Variants in CARMIL2 observed in about 807,000 individuals in gnomAD.
CARMIL2 encodes the protein capping protein, Arp2/3 and myosin-I linker protein 2.
In CARMIL2, 96 loss-of-function variants were observed where a neutral mutation model predicts 173.3. The observed-to-expected ratio is 0.55, with a 90% CI of 0.47 to 0.66. The LOEUF (loss-of-function observed/expected upper bound fraction) is 0.66. Ranked by LOEUF, CARMIL2 falls within the 30% of genes least tolerant of loss-of-function variation. The probability of loss-of-function intolerance (pLI) is 0.00; values close to 1 mark genes in which losing one functional copy is unlikely to be tolerated. For synonymous variants in CARMIL2, 830 were observed against 817.1 expected (o/e 1.02, Z -0.27); for missense variants, 1,771 against 1,906.7 (o/e 0.93, Z 1.33).
rs1567627911 is a variant in CARMIL2 at position 67,647,566 on chromosome 16, G to A, written c.835G>A (p.Glu279Lys). The change falls in exon 11 of 38, where the codon GAG becomes AAG. Residue 279 changes from glutamate to lysine, a missense_variant. Glu to Lys is a moderately conservative substitution (Grantham distance 56). Around this residue, in one of 3 missense-constraint regions of CARMIL2, gnomAD observed 944 missense variants for 975.6 expected, o/e 0.97. Coordinates refer to ENST00000334583, the MANE Select transcript of CARMIL2 (RefSeq NM_001013838.3). ...LAGHSSSGLRELSLAGNLLDD... is the reference protein window; with the variant it reads ...LAGHSSSGLRKLSLAGNLLDD... The stretch of plus-strand genomic sequence containing the variant: ...GGGACACTCAAGCTCTGGGCTGCGG[G>A]AGCTCAGCCTCGCGGGGAACCTGCT... 1.2e-6 allele frequency: 2 copies of A among 1,611,320 alleles called. No individual in the cohort carries two copies. Among genetic ancestry groups the A allele is most frequent in the South Asian group, 1.1e-5 (1 of 90,542 alleles).
At position 67,649,560 on chromosome 16, in the gene CARMIL2, C is replaced by A; in HGVS notation, c.1860C>A (p.Ala620=). ...NLTALDISGN[A]MGDAGAKLLA... ...CCGCGCTGGATATCAGCGGCAACGC[C>A]ATGGGGGACGCGGGCGCCAAGTTGC... Residue 620 remains alanine (A), a synonymous_variant, in exon 20 of 38, where the codon GCC becomes GCA. Coordinates refer to ENST00000334583, the MANE Select transcript of CARMIL2 (RefSeq NM_001013838.3). This position sits in a 1 kb window ranked among gnomAD's most constrained non-coding sequence, Gnocchi z 6.7. 1 of 1,603,102 alleles carries A rather than the reference C, an allele frequency of 6.2e-7. No individual in the cohort carries two copies. The highest frequency in any genetic ancestry group is 1.1e-5 in the South Asian group (1 of 91,086).
At position 67,649,607 on chromosome 16, in the gene CARMIL2, A is replaced by T. The variant is rs1333689505; in HGVS notation, c.1907A>T (p.Asn636Ile). 3 of 1,594,128 alleles carry T rather than the reference A, an allele frequency of 1.9e-6. No individual in the cohort carries two copies. Among genetic ancestry groups the T allele is most frequent in the Admixed American group, 3.4e-5 (2 of 59,508 alleles). Residue 636 changes from asparagine to isoleucine, a missense_variant, in exon 20 of 38, where the codon AAC becomes ATC. This residue lies in a region of CARMIL2 where 944 missense variants were observed against 975.6 expected (regional missense o/e 0.97). Coordinates refer to ENST00000334583, the MANE Select transcript of CARMIL2 (RefSeq NM_001013838.3). The surrounding 1 kb of genome is among the most constrained non-coding windows in gnomAD (Gnocchi z 6.7). ...AKLLAKALRVNSRLRSVVWDR... is the reference protein window; with the variant it reads ...AKLLAKALRVISRLRSVVWDR... Reference sequence around the variant, plus strand: ...TTGCTGGCCAAGGCGCTGCGGGTCAACTCGAGGCTCCGGTGGGCGGGGTCA... The same window carrying T: ...TTGCTGGCCAAGGCGCTGCGGGTCATCTCGAGGCTCCGGTGGGCGGGGTCA...
At chr16:67,655,601 C>T (rs1357457620) in intron 32 of CARMIL2, among the ~76,000 whole-genome samples, 1 of 152,178 alleles carries the variant, frequency 6.6e-6, no homozygotes, top group East Asian at 1.9e-4. Context: ...TGGTGCAAAT[C>T]AGAGCCTCCA....
chr16:67,654,249 T>C lies in CARMIL2; in HGVS notation c.3221T>C (p.Leu1074Pro). 1 of 1,571,832 alleles carries C rather than the reference T, an allele frequency of 6.4e-7. No homozygotes were observed. Among genetic ancestry groups the C allele is most frequent in the Non-Finnish European group, 8.6e-7 (1 of 1,158,852 alleles). Reference sequence around the variant, plus strand: ...AAAAGGCTGATCCAGCAGGATCGCCTGTGAGTGAGGGGCATCTGCTGGGGG... The same window carrying C: ...AAAAGGCTGATCCAGCAGGATCGCCCGTGAGTGAGGGGCATCTGCTGGGGG... Reference protein sequence around the residue: ...FSKRLIQQDRLWAPEEDPATE... With the variant: ...FSKRLIQQDRPWAPEEDPATE... Residue 1074 changes from leucine to proline, a missense_variant and splice_region_variant, in exon 30 of 38, where the codon CTC (leucine) becomes CCC (proline). Around this residue, in one of 3 missense-constraint regions of CARMIL2, gnomAD observed 817 missense variants for 903.5 expected, o/e 0.90. Coordinates refer to ENST00000334583, the MANE Select transcript of CARMIL2 (RefSeq NM_001013838.3).
Position 67,649,662 on chromosome 16 carries a change from G to T in CARMIL2, c.1919+43G>T, listed in dbSNP as rs1322172081. ...GGTGGGACCAGCGGGCAGGGGGCGCGGTGGAGAGGAGGGCACCGGGCTAAG... is the reference window on the plus strand; with the variant it reads ...GGTGGGACCAGCGGGCAGGGGGCGCTGTGGAGAGGAGGGCACCGGGCTAAG... On this transcript the variant is annotated intron_variant, in intron 20 of 37. Coordinates refer to ENST00000334583, the MANE Select transcript of CARMIL2 (RefSeq NM_001013838.3). This position sits in a 1 kb window ranked among gnomAD's most constrained non-coding sequence, Gnocchi z 6.7. 3 of 1,560,570 alleles carry T rather than the reference G, an allele frequency of 1.9e-6. No homozygotes were observed. The highest frequency in any genetic ancestry group is 4.5e-5 in the East Asian group (2 of 44,074).
rs551021855 is a variant in CARMIL2, at chr16:67,651,860, G to C, written c.2588+15G>C. 73 of 1,612,710 alleles carry C rather than the reference G, an allele frequency of 4.5e-5. No homozygotes were observed. Among genetic ancestry groups the C allele is most frequent in the Non-Finnish European group, 4.2e-5 (50 of 1,179,582 alleles). Reference sequence around the variant, plus strand: ...ACTAGGCTCAGGTAGGCTGGATGGGGCTGGGCTGGGCAAGGCTGAGCAAAG... The same window carrying C: ...ACTAGGCTCAGGTAGGCTGGATGGGCCTGGGCTGGGCAAGGCTGAGCAAAG... On this transcript the variant is annotated intron_variant, in intron 25 of 37. Coordinates refer to ENST00000334583, the MANE Select transcript of CARMIL2 (RefSeq NM_001013838.3). The surrounding 1 kb of genome is among the most constrained non-coding windows in gnomAD (Gnocchi z 4.2).
Position 67,656,631 on chromosome 16 carries a change from GC to G in CARMIL2, c.4026del (p.Arg1343GlufsTer7). 6.3e-7 allele frequency: 1 copy of G among 1,590,712 alleles called. No homozygotes were observed. Among genetic ancestry groups the G allele is most frequent in the Non-Finnish European group, 8.6e-7 (1 of 1,169,280 alleles). ...GGCCTCCCAGAGGACCCTTGCTTGG[GC>G]CCCAGAAATGAAGGTAGGCAGGCAC... ...SLGLPEDPCL[G>X]PRNEDGQLRP... On this transcript the variant is annotated frameshift_variant, in exon 35 of 38. Coordinates refer to ENST00000334583, the MANE Select transcript of CARMIL2 (RefSeq NM_001013838.3). LOFTEE classifies it high-confidence loss of function.
At position 67,657,190 on chromosome 16, in the gene CARMIL2, C is replaced by T. The variant is rs76430478; in HGVS notation, c.4118-49C>T. Reference sequence around the variant, plus strand: ...GTGGAAGAGAGGGGCAGGGGATGGACAGACCCCAAGCCTTAGCAACCCACC... The same window carrying T: ...GTGGAAGAGAGGGGCAGGGGATGGATAGACCCCAAGCCTTAGCAACCCACC... On this transcript the variant is annotated intron_variant, in intron 36 of 37. Coordinates refer to ENST00000334583, the MANE Select transcript of CARMIL2 (RefSeq NM_001013838.3). This position sits in a 1 kb window ranked among gnomAD's most constrained non-coding sequence, Gnocchi z 4.5. 1.9e-6 allele frequency: 3 copies of T among 1,543,512 alleles called. No individual in the cohort carries two copies. The South Asian group carries it at 3.4e-5, about 18-fold the overall frequency.
chr16:67,656,591 T>TC lies in CARMIL2; in HGVS notation c.3986dup (p.Asp1330ArgfsTer16), dbSNP rs2052862100. 6.2e-7 allele frequency: 1 copy of TC among 1,610,572 alleles called. No individual in the cohort carries two copies. The highest frequency in any genetic ancestry group is 1.7e-5 in the Admixed American group (1 of 59,682). Reference sequence around the variant, plus strand: ...CCCAAGTCCCTGCAGAACCAGCCCCTCCCCAGACAGCCTGGGCCTCCCAGA... The same window carrying TC: ...CCCAAGTCCCTGCAGAACCAGCCCCTCCCCCAGACAGCCTGGGCCTCCCAGA... On this transcript the variant is annotated frameshift_variant, in exon 35 of 38. Transcript: ENST00000334583. LOFTEE classifies it high-confidence loss of function.
rs914165580 is a variant in CARMIL2 at position 67,652,800 on chromosome 16, TG to T, written c.2885-218del. Among the ~76,000 whole-genome samples the T allele has an allele frequency of 1.5e-4, 23 of 151,454 alleles. No homozygotes were observed. The highest frequency in any genetic ancestry group is 4.6e-4 in the African/African-American group (19 of 41,342). ...CCTTTCCCTACCCCAGGGACGCGCA[TG>T]CTGGGCGGCGGCGCGGAGCCGCGCG... On this transcript the variant is annotated intron_variant, in intron 28 of 37. Coordinates refer to ENST00000334583, the MANE Select transcript of CARMIL2 (RefSeq NM_001013838.3). This position sits in a 1 kb window ranked among gnomAD's most constrained non-coding sequence, Gnocchi z 4.7.
At position 67,656,286 on chromosome 16, in the gene CARMIL2, C is replaced by G. The variant is rs749569935; in HGVS notation, c.3801C>G (p.His1267Gln). 8 of 1,614,012 alleles carry G rather than the reference C, an allele frequency of 5.0e-6. No individual in the cohort carries two copies. The highest frequency in any genetic ancestry group is 4.4e-5 in the South Asian group (4 of 91,090). The change falls in exon 34 of 38, where the codon CAC (histidine) becomes CAG (glutamine). Residue 1267 changes from histidine (H) to glutamine (Q), a missense_variant. This residue lies in a region of CARMIL2 where 817 missense variants were observed against 903.5 expected (regional missense o/e 0.90). Coordinates refer to ENST00000334583, the MANE Select transcript of CARMIL2 (RefSeq NM_001013838.3). ...APPISIKSRT[H>Q]SVSADPSCRP... ...CCATCTCGATCAAGTCCCGCACCCA[C>G]TCTGTGTCTGCTGGTGAGTGAGGGC...
rs1213363122 is a variant in CARMIL2 at position 67,657,357 on chromosome 16, G to A, written c.4195+41G>A. On this transcript the variant is annotated intron_variant, in intron 37 of 37. Coordinates refer to ENST00000334583, the MANE Select transcript of CARMIL2 (RefSeq NM_001013838.3). The surrounding 1 kb of genome is among the most constrained non-coding windows in gnomAD (Gnocchi z 4.5). ...GGCCAGCTGGGAGGGTGGCAGGACT[G>A]CTTAGCCCAGCCCTGACCCTTCCTC... The A allele has an allele frequency of 6.2e-7, 1 of 1,609,624 alleles. No individual in the cohort carries two copies. Among genetic ancestry groups the A allele is most frequent in the East Asian group, 2.2e-5 (1 of 44,690 alleles).
chr16:67,652,888 GA>G lies in CARMIL2; in HGVS notation c.2885-130del, dbSNP rs1231658057. ...GCGGCGGGGGAGGGGCGGAGGGGCAGAGGGGCGGGGGGACGGGCGGCGTAGC... is the reference window on the plus strand; with the variant it reads ...GCGGCGGGGGAGGGGCGGAGGGGCAGGGGGCGGGGGGACGGGCGGCGTAGC... On this transcript the variant is annotated intron_variant, in intron 28 of 37. Transcript: ENST00000334583. The surrounding 1 kb of genome is among the most constrained non-coding windows in gnomAD (Gnocchi z 4.7). 4.3e-6 allele frequency: 1 copy of G among 231,574 alleles called. No individual in the cohort carries two copies. The highest frequency in any genetic ancestry group is 2.3e-5 in the African/African-American group (1 of 42,690). 14.3% of individuals were successfully genotyped at this position (231,574 alleles called of 1,614,324 possible). A position where few individuals can be genotyped will look rare whatever the true frequency, so the allele number is the denominator to read the frequency against.
In CARMIL2 at chr16:67,656,254, G is replaced by A. The variant is rs1391444342; in HGVS notation, c.3769G>A (p.Ala1257Thr). The A allele has an allele frequency of 6.2e-7, 1 of 1,614,000 alleles. No individual in the cohort carries two copies. Among genetic ancestry groups the A allele is most frequent in the Non-Finnish European group, 8.5e-7 (1 of 1,179,884 alleles). ...DGDIMDSSTE[A>T]PPISIKSRTH... ...TGACATTATGGACAGTTCCACGGAG[G>A]CCCCTCCCATCTCGATCAAGTCCCG... The change falls in exon 34 of 38, where the codon GCC (alanine) becomes ACC (threonine). Residue 1257 changes from alanine to threonine, a missense_variant. Around this residue, in one of 3 missense-constraint regions of CARMIL2, gnomAD observed 817 missense variants for 903.5 expected, o/e 0.90. Transcript: ENST00000334583.
Position 67,648,937 on chromosome 16 carries a change from C to T in CARMIL2, c.1554C>T (p.Asp518=), listed in dbSNP as rs200219135. ...AGGTGATACAAGACTTAGTGTGCGA[C>T]GCAGGCGCTGTGAGCTCCCTGGATC... ...GAQVIQDLVC[D]AGAVSSLDLA... Residue 518 remains aspartate, a synonymous_variant, in exon 17 of 38, where the codon GAC becomes GAT. Transcript: ENST00000334583. The surrounding 1 kb of genome is among the most constrained non-coding windows in gnomAD (Gnocchi z 6.1). 1.1e-5 allele frequency: 18 copies of T among 1,609,682 alleles called. No individual in the cohort carries two copies. Among genetic ancestry groups the T allele is most frequent in the Non-Finnish European group, 1.4e-5 (17 of 1,178,360 alleles).
Position 67,647,738 on chromosome 16 carries a change from C to T in CARMIL2, c.930C>T (p.Ser310=), listed in dbSNP as rs1394098564. The change falls in exon 12 of 38, where the codon AGC becomes AGT. Residue 310 remains serine, a synonymous_variant. Transcript: ENST00000334583. ...ERCPGALRRL[S]LAQTGLTPRG... ...GTCCAGGAGCCCTGAGGAGACTCAGCCTGGCCCAGACAGGGTTGACACCGC... is the reference window on the plus strand; with the variant it reads ...GTCCAGGAGCCCTGAGGAGACTCAGTCTGGCCCAGACAGGGTTGACACCGC... The T allele has an allele frequency of 6.3e-7, 1 of 1,588,660 alleles. No homozygotes were observed. The highest frequency in any genetic ancestry group is 8.5e-7 in the Non-Finnish European group (1 of 1,169,598).
At chr16:67,655,250 G>A (rs112112128) in intron 32 of CARMIL2, among the ~76,000 whole-genome samples, 328 of 152,282 alleles carry the variant, frequency 2.2e-3, no homozygotes, top group Admixed American at 3.3e-3. Context: ...TGGCCAACAT[G>A]GTGAAACCCT....
In CARMIL2 at chr16:67,648,754, G is replaced by C; in HGVS notation, c.1509G>C (p.Glu503Asp). Residue 503 changes from glutamate to aspartate, a missense_variant and splice_region_variant, in exon 16 of 38, where the codon GAG (glutamate) becomes GAC (aspartate). Glu to Asp is a conservative substitution (Grantham distance 45). This residue lies in a region of CARMIL2 where 944 missense variants were observed against 975.6 expected (regional missense o/e 0.97). Coordinates refer to ENST00000334583, the MANE Select transcript of CARMIL2 (RefSeq NM_001013838.3). This position sits in a 1 kb window ranked among gnomAD's most constrained non-coding sequence, Gnocchi z 6.1. ...TGCACCTGGACCTCAGCGCTTGCGA[G>C]GTGAGCGCCGGCCCCCAGAAGAGAC... Reference protein sequence around the residue: ...RDLHLDLSACELRSAGAQVIQ... With the variant: ...RDLHLDLSACDLRSAGAQVIQ... The C allele has an allele frequency of 1.2e-6, 2 of 1,600,168 alleles. No homozygotes were observed. The highest frequency in any genetic ancestry group is 1.7e-6 in the Non-Finnish European group (2 of 1,173,966).
chr16:67,655,985 G>T, intron 32 of CARMIL2, 46 bp from the exon 33 acceptor site: 1 of 1,558,770 alleles, frequency 6.4e-7, no homozygotes, highest in Non-Finnish European at 8.7e-7. Flanking sequence ...AGGCTAGGGT[G>T]TGGGGAGCGG....
Sources: allele counts gnomAD v4.1 joint callset (sites outside exome capture counted in the v4.1 genomes callset), GRCh38; gene constraint gnomAD v4.1.1; regional missense constraint gnomAD v4.1.1; non-coding constraint Gnocchi (gnomAD v3.1); transcripts MANE v1.5; gene names NCBI Gene and HGNC (gene_info 2026-07-23, HGNC 2026-07-21).